ZYG11B: variants seen among roughly 807,000 people sequenced by gnomAD.
The protein encoded by ZYG11B is protein zyg-11 homolog B.
In ZYG11B, 36 loss-of-function variants were observed where a neutral mutation model predicts 82.4. That is an observed-to-expected ratio of 0.44 (90% CI 0.33 to 0.58). ZYG11B has a LOEUF of 0.58. Among genes scored for constraint, ZYG11B ranks in the 20% least tolerant of loss-of-function variants. The pLI, the probability that ZYG11B is intolerant of heterozygous loss-of-function variation, is 0.02. For synonymous variants in ZYG11B, 303 were observed against 312.8 expected (o/e 0.97, Z 0.33); for missense variants, 552 against 895.6 (o/e 0.62, Z 4.90).
At chr1:52,818,350 C>T (rs1409487656) in intron 13 of ZYG11B, among the ~76,000 whole-genome samples, 1 of 151,836 alleles carries the variant, frequency 6.6e-6, no homozygotes, top group Non-Finnish European at 1.5e-5. Context: ...GTGGTGTGCT[C>T]CTGTAGTCCC....
chr1:52,784,862 A>G lies in ZYG11B; in HGVS notation c.1093-15A>G, dbSNP rs1553260953. On this transcript the variant is annotated splice_polypyrimidine_tract_variant and intron_variant, in intron 4 of 13. Coordinates refer to ENST00000294353, the MANE Select transcript of ZYG11B (RefSeq NM_024646.3). ...TTTATAAGGTGAATTAAGAGGACTA[A>G]TTTTTTTTTTCCAGCTTGTGGTTAC... 1 of 1,515,386 alleles carries G rather than the reference A, an allele frequency of 6.6e-7. No homozygotes were observed. The highest frequency in any genetic ancestry group is 1.8e-5 in the Admixed American group (1 of 55,806). The allele number at this position is 1,515,386 out of a possible 1,614,324, so 93.9% of individuals were successfully genotyped here. A position where few individuals can be genotyped will look rare whatever the true frequency, so the allele number is the denominator to read the frequency against.
chr1:52,804,223 G>A (rs1214722740), intron 10 of ZYG11B, among the ~76,000 whole-genome samples: 1 of 152,092 alleles, frequency 6.6e-6, no homozygotes, highest in African/African-American at 2.4e-5. Flanking sequence ...TCCAGCCTGG[G>A]TGACAGAGTG....
At chr1:52,777,189 G>A (rs181525488) in intron 3 of ZYG11B, among the ~76,000 whole-genome samples, 35 of 152,056 alleles carry the variant, frequency 2.3e-4, no homozygotes, top group Admixed American at 1.8e-3. Context: ...CAGTCTGGGC[G>A]ACAGAGCAAG....
Position 52,771,283 on chromosome 1 carries a change from T to TA in ZYG11B, c.461dup (p.Tyr154Ter), listed in dbSNP as rs1451536122. 1 of 1,614,094 alleles carries TA rather than the reference T, an allele frequency of 6.2e-7. No homozygotes were observed. Among genetic ancestry groups the TA allele is most frequent in the Non-Finnish European group, 8.5e-7 (1 of 1,180,032 alleles). Reference sequence around the variant, plus strand: ...ATTAACTCTCTCCCTCGAGGATCCTTACGAGCGCTGCTTCAGCCGGCTTTC... The same window carrying TA: ...ATTAACTCTCTCCCTCGAGGATCCTTAACGAGCGCTGCTTCAGCCGGCTTTC... The part of the protein sequence containing the change: ...NSLTLSLEDP[Y>*]ERCFSRLSGL... Residue 154 changes from tyrosine (Y) to a stop codon, truncating the protein, a stop_gained and frameshift_variant, in exon 3 of 14, where the codon TAC becomes TAAC. Coordinates refer to ENST00000294353, the MANE Select transcript of ZYG11B (RefSeq NM_024646.3). LOFTEE classifies it high-confidence loss of function. The surrounding 1 kb of genome is among the most constrained non-coding windows in gnomAD (Gnocchi z 5.4).
Position 52,796,250 on chromosome 1 carries a change from G to T in ZYG11B, c.1335-42G>T, listed in dbSNP as rs762043430. ...AGCTGGAACTCTGAAATTGTGCCTG[G>T]GCCTCCACGATTAATTCATGAAACC... is the stretch of plus-strand genomic sequence containing the variant. On this transcript the variant is annotated intron_variant, in intron 6 of 13. Coordinates refer to ENST00000294353, the MANE Select transcript of ZYG11B (RefSeq NM_024646.3). 4 of 1,471,074 alleles carry T rather than the reference G, an allele frequency of 2.7e-6. No homozygotes were observed. The Admixed American group carries it at 6.7e-5, about 25-fold the overall frequency. 91.1% of individuals were successfully genotyped at this position (1,471,074 alleles called of 1,614,324 possible).
intron 1 of ZYG11B, among the ~76,000 whole-genome samples, chr1:52,732,430 A>T (rs923238218): frequency 6.6e-6 from 1 of 152,110 alleles, no homozygotes; most frequent in African/African-American, 2.4e-5. Context: ...TCCCCCTATT[A>T]TTAGACATAT....
chr1:52,800,355 G>A (rs1200514916), intron 8 of ZYG11B, among the ~76,000 whole-genome samples: 1 of 151,784 alleles, frequency 6.6e-6, no homozygotes, highest in East Asian at 1.9e-4. Context: ...CATTAGATAA[G>A]TAGAAAAAGA....
chr1:52,810,716 G>A (rs1645174978), intron 10 of ZYG11B, among the ~76,000 whole-genome samples: 1 of 152,122 alleles, frequency 6.6e-6, no homozygotes, highest in South Asian at 2.1e-4. Flanking sequence ...CCAGAAGCAG[G>A]AGTGCTCATC....
intron 13 of ZYG11B, 86 bp from the exon 14 acceptor site, chr1:52,821,353 G>T: frequency 7.1e-7 from 1 of 1,415,488 alleles, no homozygotes; most frequent in Non-Finnish European, 9.4e-7. Flanking sequence ...ATGGCTCCTA[G>T]AAGTCATTTT....
chr1:52,767,584 T>A (rs145322717), intron 2 of ZYG11B, among the ~76,000 whole-genome samples: 1 of 152,302 alleles, frequency 6.6e-6, no homozygotes, highest in East Asian at 1.9e-4. Context: ...ATTACAGGTG[T>A]GAGCCACTAT....
chr1:52,767,467 G>A (rs1448400170), intron 2 of ZYG11B, among the ~76,000 whole-genome samples: 5 of 152,124 alleles, frequency 3.3e-5, no homozygotes, highest in South Asian at 2.1e-4. Context: ...ATCAGGCCTG[G>A]CTAATTTTTT....
chr1:52,783,893 C>CATGTGTGTGTATGTACATAT (rs74193327), intron 4 of ZYG11B, among the ~76,000 whole-genome samples: 1,567 of 81,804 alleles, frequency 0.019, 58 homozygotes, highest in African/African-American at 0.06. Flanking sequence ...TATGTACATA[C>CATGTGTGTGTATGTACATAT]ACGTGTGTGT....
intron 1 of ZYG11B, among the ~76,000 whole-genome samples, chr1:52,747,769 G>A (rs976325707): frequency 6.6e-6 from 1 of 152,112 alleles, no homozygotes; most frequent in African/African-American, 2.4e-5. Context: ...CAGATATAAA[G>A]GGCAGTGTAT....
intron 8 of ZYG11B, among the ~76,000 whole-genome samples, chr1:52,800,220 G>T (rs1041418044): frequency 6.8e-6 from 1 of 147,432 alleles, no homozygotes; most frequent in African/African-American, 2.5e-5. Flanking sequence ...AGTCTACAGC[G>T]AACTATAATT....
Position 52,827,295 on chromosome 1 carries a change from G to A in ZYG11B, c.*5666G>A, listed in dbSNP as rs1645332577. On this transcript the variant is annotated 3_prime_UTR_variant, in exon 14 of 14. Coordinates refer to ENST00000294353, the MANE Select transcript of ZYG11B (RefSeq NM_024646.3). Reference sequence around the variant, plus strand: ...ATTAATGTTGTGTGTACAGATTTTTGTTTTGGGATTTTTTTTGCCTAAATA... The same window carrying A: ...ATTAATGTTGTGTGTACAGATTTTTATTTTGGGATTTTTTTTGCCTAAATA... 6.6e-6 allele frequency: 1 copy of A among 152,062 alleles called. No homozygotes were observed. Among genetic ancestry groups the A allele is most frequent in the African/African-American group, 2.4e-5 (1 of 41,426 alleles). The allele number at this position is 152,062 out of a possible 1,614,324, so 9.4% of individuals were successfully genotyped here. A position where few individuals can be genotyped will look rare whatever the true frequency, so the allele number is the denominator to read the frequency against.
chr1:52,789,931 G>A, intron 5 of ZYG11B, 72 bp from the exon 6 acceptor site: 3 of 974,142 alleles, frequency 3.1e-6, no homozygotes, highest in Non-Finnish European at 4.4e-6. Flanking sequence ...TTTTTTTTAT[G>A]GAAGCTACCA....
chr1:52,737,814 G>T (rs1361796983), intron 1 of ZYG11B, among the ~76,000 whole-genome samples: 1 of 152,232 alleles, frequency 6.6e-6, no homozygotes, highest in East Asian at 1.9e-4. Flanking sequence ...GTGTGTGTTT[G>T]ATAGAGAATT....
At chr1:52,785,137 T>A (rs1644902571) in intron 5 of ZYG11B, 84 bp downstream of exon 5, 1 of 1,431,220 alleles carries the variant, frequency 7.0e-7, no homozygotes. Flanking sequence ...AGACCAAGGC[T>A]GGAAATTCAA....
chr1:52,755,859 G>T (rs989721276), intron 1 of ZYG11B, among the ~76,000 whole-genome samples: 5 of 152,130 alleles, frequency 3.3e-5, no homozygotes, highest in African/African-American at 7.2e-5. Flanking sequence ...GAGTTCAGTG[G>T]CATAATCTCG....
Sources: gnomAD v4.1 joint callset for allele counts (sites outside exome capture counted in the v4.1 genomes callset) on GRCh38, gnomAD v4.1.1 for gene constraint, Gnocchi (gnomAD v3.1) non-coding constraint, MANE v1.5 for transcripts, NCBI Gene and HGNC (gene_info 2026-07-23, HGNC 2026-07-21) for gene names.